FMNL2: variants seen among roughly 807,000 people sequenced by gnomAD.
FMNL2 encodes formin-like protein 2.
FMNL2 carries 51 observed loss-of-function variants against 130.2 expected under a neutral mutation model. The observed-to-expected ratio is 0.39, with a 90% CI of 0.31 to 0.49. The LOEUF is 0.49. FMNL2 is among the 20% of genes least tolerant of loss of function. The pLI, the probability that FMNL2 is intolerant of heterozygous loss-of-function variation, is 0.85. For synonymous variants in FMNL2, 465 were observed against 467.1 expected (o/e 1.00, Z 0.06); for missense variants, 977 against 1,316.2 (o/e 0.74, Z 3.99).
In FMNL2 at chr2:152,515,391, T is replaced by G. The variant is rs564085480; in HGVS notation, c.118-6552T>G. 3.3e-5 allele frequency among the ~76,000 whole-genome samples: 5 copies of G among 152,320 alleles called. No individual in the cohort carries two copies. The East Asian group carries it at 9.6e-4, about 29-fold the overall frequency. On this transcript the variant is annotated intron_variant, in intron 1 of 25. Transcript: ENST00000288670. ...GTATATATTGATTTGACACTGTACC[T>G]TGCTATCTGTATTCAGCCCAGTCAG...
rs1690055180 is a variant in FMNL2 at position 152,474,762 on chromosome 2, A to G, written c.118-47181A>G. ...CCTGTTTAGACTGTGCTTAGTTGCC[A>G]ATGATTGATAGGCATTAGTTGGGTC... On this transcript the variant is annotated intron_variant, in intron 1 of 25. Coordinates refer to ENST00000288670, the MANE Select transcript of FMNL2 (RefSeq NM_052905.4). Among the ~76,000 whole-genome samples the G allele has an allele frequency of 1.3e-5, 2 of 152,176 alleles. 1 individual carries two copies. The highest frequency in any genetic ancestry group is 4.1e-4 in the South Asian group (2 of 4,834).
intron 1 of FMNL2, 74 bp from the exon 2 acceptor site, chr2:152,521,869 C>A: frequency 8.8e-7 from 1 of 1,140,804 alleles, no homozygotes; most frequent in South Asian, 1.3e-5. Context: ...ATTATTTGGT[C>A]TGCCTGCAAG....
At position 152,637,668 on chromosome 2, in the gene FMNL2, A is replaced by C. The variant is rs764804028; in HGVS notation, c.2940A>C (p.Ala980=). The stretch of plus-strand genomic sequence containing the variant: ...CTGTCTTTGTCCGGTTTGTGAAAGC[A>C]TATAAGGTATATGTTAAGGCCCTCC... The part of the protein sequence containing the change: ...FFPVFVRFVK[A]YKQAEEENEL... Residue 980 remains alanine (A), a synonymous_variant, in exon 23 of 26, where the codon GCA becomes GCC. Transcript: ENST00000288670. 3.1e-6 allele frequency: 5 copies of C among 1,613,756 alleles called. No individual in the cohort carries two copies. The Admixed American group carries it at 6.7e-5, about 22-fold the overall frequency.
Position 152,576,942 on chromosome 2 carries a change from C to T in FMNL2, c.705+1698C>T, listed in dbSNP as rs146812872. On this transcript the variant is annotated intron_variant, in intron 7 of 25. Transcript: ENST00000288670. Reference sequence around the variant, plus strand: ...TTTGATTATGTAGAGCTTTAGAGGCCGCTGAGAGGACATTGACTTCACTAT... The same window carrying T: ...TTTGATTATGTAGAGCTTTAGAGGCTGCTGAGAGGACATTGACTTCACTAT... 5.3e-5 allele frequency among the ~76,000 whole-genome samples: 8 copies of T among 152,224 alleles called. No individual in the cohort carries two copies. In the East Asian group the frequency reaches 7.7e-4, roughly 15 times the overall value.
At chr2:152,626,818 G>A in intron 17 of FMNL2, 91 bp downstream of exon 17, 1 of 1,317,718 alleles carries the variant, frequency 7.6e-7, no homozygotes, top group Non-Finnish European at 1.0e-6. Context: ...TTTCAATAGT[G>A]AGACAAGACC....
intron 2 of FMNL2, among the ~76,000 whole-genome samples, chr2:152,537,365 C>T (rs542641614): frequency 6.6e-6 from 1 of 152,180 alleles, no homozygotes; most frequent in Non-Finnish European, 1.5e-5. Context: ...GGCAGCCTAA[C>T]GTTCCAGGCA....
intron 1 of FMNL2, among the ~76,000 whole-genome samples, chr2:152,368,850 C>T (rs756405893): frequency 1.5e-4 from 23 of 152,096 alleles, no homozygotes; most frequent in Non-Finnish European, 3.1e-4. Flanking sequence ...TTCCTCCTGA[C>T]TTTTGAAGGT....
At chr2:152,357,095 A>G (rs6757884) in intron 1 of FMNL2, among the ~76,000 whole-genome samples, 1 of 77,264 alleles carries the variant, frequency 1.3e-5, no homozygotes, top group African/African-American at 7.0e-5. Context: ...AATATTACAT[A>G]AGTTTAATGT....
At chr2:152,559,865 C>A (rs1340143011) in intron 5 of FMNL2, among the ~76,000 whole-genome samples, 1 of 152,200 alleles carries the variant, frequency 6.6e-6, no homozygotes, top group Non-Finnish European at 1.5e-5. Context: ...CAGCCAAAGG[C>A]ATGACAGAAT....
chr2:152,565,909 A>T (rs953997006), intron 6 of FMNL2, among the ~76,000 whole-genome samples: 1 of 152,064 alleles, frequency 6.6e-6, no homozygotes, highest in Non-Finnish European at 1.5e-5. Context: ...CATCCCAAGT[A>T]GTTGGGCCTA....
At chr2:152,639,388 G>A (rs1170975508) in intron 23 of FMNL2, among the ~76,000 whole-genome samples, 1 of 152,182 alleles carries the variant, frequency 6.6e-6, no homozygotes, top group Non-Finnish European at 1.5e-5. Flanking sequence ...GGGGAGGCCG[G>A]CTTCAAAAGA....
At chr2:152,523,056 G>A (rs569703318) in intron 2 of FMNL2, among the ~76,000 whole-genome samples, 6 of 152,002 alleles carry the variant, frequency 3.9e-5, no homozygotes, top group Middle Eastern at 3.4e-3. Context: ...TTTACTTCTT[G>A]GATACAAATA....
At chr2:152,355,330 C>G (rs1682721958) in intron 1 of FMNL2, among the ~76,000 whole-genome samples, 1 of 152,158 alleles carries the variant, frequency 6.6e-6, no homozygotes, top group African/African-American at 2.4e-5. Context: ...TTCATTGCCC[C>G]AAGAAAACCA....
intron 1 of FMNL2, among the ~76,000 whole-genome samples, chr2:152,470,428 G>A (rs768452533): frequency 1.2e-4 from 19 of 152,200 alleles, no homozygotes; most frequent in Non-Finnish European, 8.8e-5. Flanking sequence ...GAAGATTGCT[G>A]TCTACGATTT....
chr2:152,558,042 G>C (rs1271483922), intron 4 of FMNL2, among the ~76,000 whole-genome samples: 1 of 152,158 alleles, frequency 6.6e-6, no homozygotes, highest in Non-Finnish European at 1.5e-5. Context: ...AAATAAGAAT[G>C]TATAAGCATT....
intron 1 of FMNL2, among the ~76,000 whole-genome samples, chr2:152,414,931 G>A (rs375060402): frequency 6.6e-6 from 1 of 152,138 alleles, no homozygotes; most frequent in African/African-American, 2.4e-5. Flanking sequence ...GAGACCTTGG[G>A]TGTCTAGCAA....
chr2:152,394,930 T>C (rs982640078), intron 1 of FMNL2, among the ~76,000 whole-genome samples: 15 of 152,314 alleles, frequency 9.8e-5, no homozygotes, highest in African/African-American at 3.4e-4. Flanking sequence ...GGCATGGCTT[T>C]CTTGCTCCTG....
intron 1 of FMNL2, among the ~76,000 whole-genome samples, chr2:152,402,673 T>TA (rs1558832559): frequency 6.6e-6 from 1 of 152,194 alleles, no homozygotes; most frequent in African/African-American, 2.4e-5. Context: ...TTTGACTTTT[T>TA]AAAAAATAAA....
intron 1 of FMNL2, among the ~76,000 whole-genome samples, chr2:152,483,370 A>G (rs1690637549): frequency 6.6e-6 from 1 of 152,000 alleles, no homozygotes; most frequent in South Asian, 2.1e-4. Context: ...AGAATTACAG[A>G]CACATTAAAA....
Sources: allele counts gnomAD v4.1 joint callset (sites outside exome capture counted in the v4.1 genomes callset), GRCh38; gene constraint gnomAD v4.1.1; transcripts MANE v1.5; gene names NCBI Gene and HGNC (gene_info 2026-07-23, HGNC 2026-07-21).